ZC3H8: variants seen among roughly 807,000 people sequenced by gnomAD.
The protein encoded by ZC3H8 is zinc finger CCCH-type containing 8, also known as zinc finger CCCH domain-containing protein 8.
In ZC3H8, 27 loss-of-function variants were observed where a neutral mutation model predicts 42.5. The ratio of observed to expected loss-of-function variants is 0.64; its 90% CI spans 0.47 to 0.88. The LOEUF is 0.88. Among genes scored for constraint, ZC3H8 ranks in the 40% least tolerant of loss-of-function variants. ZC3H8 has a pLI of 0.00. For synonymous variants in ZC3H8, 101 were observed against 110.1 expected (o/e 0.92, Z 0.52); for missense variants, 277 against 336.1 (o/e 0.82, Z 1.37).
chr2:112,242,270 A>C (rs1215904190), intron 2 of ZC3H8, among the ~76,000 whole-genome samples: 2 of 152,256 alleles, frequency 1.3e-5, no homozygotes, highest in African/African-American at 4.8e-5. Flanking sequence ...TTCATGGTTG[A>C]AACAAAAGAA....
At chr2:112,246,802 T>C (rs1471201952) in intron 2 of ZC3H8, among the ~76,000 whole-genome samples, 5 of 152,192 alleles carry the variant, frequency 3.3e-5, no homozygotes, top group Non-Finnish European at 5.9e-5. Flanking sequence ...GTTGAGAGGA[T>C]TGACTCCAAT....
chr2:112,219,300 A>T (rs574197677), intron 8 of ZC3H8, among the ~76,000 whole-genome samples: 98 of 152,322 alleles, frequency 6.4e-4, no homozygotes, highest in Non-Finnish European at 1.2e-3. Context: ...ATGGTAAATA[A>T]TTGACAAAAG....
At chr2:112,228,772 C>T (rs1398394696) in intron 8 of ZC3H8, among the ~76,000 whole-genome samples, 1 of 152,012 alleles carries the variant, frequency 6.6e-6, no homozygotes, top group Non-Finnish European at 1.5e-5. Flanking sequence ...TTTGATGCTT[C>T]AAAAGATACC....
At chr2:112,252,030 CTTCT>C (rs976691371) in intron 1 of ZC3H8, among the ~76,000 whole-genome samples, 56 of 152,306 alleles carry the variant, frequency 3.7e-4, no homozygotes, top group African/African-American at 1.2e-3. Flanking sequence ...CACCTCTTCT[CTTCT>C]TTGTCTATAT....
intron 7 of ZC3H8, among the ~76,000 whole-genome samples, 151 bp from the exon 8 acceptor site, chr2:112,231,101 T>G (rs1685067606): frequency 6.6e-6 from 1 of 152,110 alleles, no homozygotes; most frequent in East Asian, 1.9e-4. Context: ...ACTGAAAAAC[T>G]TATTTCATAT....
chr2:112,233,478 A>C lies in ZC3H8; in HGVS notation c.622-107T>G, dbSNP rs1362644480. On this transcript the variant is annotated intron_variant, in intron 5 of 8. Coordinates refer to ENST00000409573, the MANE Select transcript of ZC3H8 (RefSeq NM_032494.3). ...TAAGCAAATGATTCCAGAAAGAACCAAAGTCTTAGAGGTAGCACATTCTAA... is the reference window on the plus strand; with the variant it reads ...TAAGCAAATGATTCCAGAAAGAACCCAAGTCTTAGAGGTAGCACATTCTAA... The C allele has an allele frequency of 3.5e-5, 26 of 737,816 alleles. No individual in the cohort carries two copies. In the East Asian group the frequency reaches 7.0e-4, roughly 20 times the overall value. The allele number at this position is 737,816 out of a possible 1,614,324, so 45.7% of individuals were successfully genotyped here.
intron 1 of ZC3H8, among the ~76,000 whole-genome samples, chr2:112,252,007 CAA>C (rs966235957): frequency 1.4e-4 from 22 of 152,212 alleles, no homozygotes; most frequent in African/African-American, 5.3e-4. Flanking sequence ...TCACAACTTT[CAA>C]AGTCAGTTCT....
intron 1 of ZC3H8, among the ~76,000 whole-genome samples, chr2:112,251,821 C>T (rs1685959040): frequency 1.3e-5 from 2 of 151,604 alleles, no homozygotes; most frequent in Admixed American, 1.3e-4. Flanking sequence ...TCTACTTTCA[C>T]TGTGAAGGTC....
At position 112,221,270 on chromosome 2, in the gene ZC3H8, C is replaced by T. The variant is rs141649559; in HGVS notation, c.*16-4802G>A. Among the ~76,000 whole-genome samples the T allele has an allele frequency of 4.4e-3, 665 of 152,196 alleles. 11 individuals carry two copies. The highest frequency in any genetic ancestry group is 0.015 in the African/African-American group (634 of 41,512). On this transcript the variant is annotated intron_variant, in intron 8 of 8. Coordinates refer to ENST00000409573, the MANE Select transcript of ZC3H8 (RefSeq NM_032494.3). ...AGATTTCTCATGAATGGTTTAGCAC[C>T]ATCCCCCTTGGTACTGTCCTAGTGA...
chr2:112,246,499 G>A (rs1207751031), intron 2 of ZC3H8, among the ~76,000 whole-genome samples: 1 of 152,116 alleles, frequency 6.6e-6, no homozygotes, highest in African/African-American at 2.4e-5. Context: ...TTTGAAAGAA[G>A]GTGATTGCAA....
At chr2:112,227,612 T>G (rs1003460632) in intron 8 of ZC3H8, among the ~76,000 whole-genome samples, 1 of 152,198 alleles carries the variant, frequency 6.6e-6, no homozygotes, top group Non-Finnish European at 1.5e-5. Flanking sequence ...CTACTAGAGC[T>G]AATAAATGAA....
At chr2:112,227,311 G>C (rs1684883532) in intron 8 of ZC3H8, among the ~76,000 whole-genome samples, 1 of 152,230 alleles carries the variant, frequency 6.6e-6, no homozygotes, top group Non-Finnish European at 1.5e-5. Flanking sequence ...GATCGCCTGA[G>C]GTCAGGAGTT....
At chr2:112,226,327 G>C (rs1167947124) in intron 8 of ZC3H8, among the ~76,000 whole-genome samples, 4 of 151,806 alleles carry the variant, frequency 2.6e-5, no homozygotes, top group African/African-American at 9.7e-5. Flanking sequence ...GGTAGCTCAC[G>C]CCTGTAATCC....
intron 8 of ZC3H8, among the ~76,000 whole-genome samples, chr2:112,222,155 T>G (rs1420673587): frequency 6.6e-6 from 1 of 152,216 alleles, no homozygotes; most frequent in Non-Finnish European, 1.5e-5. Flanking sequence ...GATTACTGTC[T>G]CTGTGCCCAT....
chr2:112,226,414 C>T (rs373193875), intron 8 of ZC3H8, among the ~76,000 whole-genome samples: 99 of 151,632 alleles, frequency 6.5e-4, no homozygotes, highest in African/African-American at 2.2e-3. Flanking sequence ...CGGTGAAACC[C>T]CGTCTCTACT....
At chr2:112,253,168 T>A (rs1201724762) in intron 1 of ZC3H8, among the ~76,000 whole-genome samples, 2 of 151,806 alleles carry the variant, frequency 1.3e-5, no homozygotes, top group Non-Finnish European at 2.9e-5. Context: ...AACTACTCCC[T>A]CCCTACCATC....
intron 2 of ZC3H8, among the ~76,000 whole-genome samples, chr2:112,246,491 T>C (rs1685769537): frequency 6.6e-6 from 1 of 152,076 alleles, no homozygotes; most frequent in African/African-American, 2.4e-5. Flanking sequence ...AACAGGAGTT[T>C]GAAAGAAGGT....
At chr2:112,250,121 G>GTTTTTTTTT in intron 2 of ZC3H8, 70 bp downstream of exon 2, 1 of 1,116,132 alleles carries the variant, frequency 9.0e-7, no homozygotes, top group Non-Finnish European at 1.2e-6. Context: ...TTCTTTTTTT[G>GTTTTTTTTT]TTGTTCCATG....
At position 112,254,939 on chromosome 2, in the gene ZC3H8, G is replaced by A; in HGVS notation, c.43C>T (p.Leu15Phe). 6.2e-7 allele frequency: 1 copy of A among 1,613,424 alleles called. No homozygotes were observed. Among genetic ancestry groups the A allele is most frequent in the Non-Finnish European group, 8.5e-7 (1 of 1,179,640 alleles). Reference sequence around the variant, plus strand: ...TCAGAGTCCGTGGCCGTTTTGCCGAGGGCCGGGTTGGGGGGTTTTGAGAAA... The same window carrying A: ...TCAGAGTCCGTGGCCGTTTTGCCGAAGGCCGGGTTGGGGGGTTTTGAGAAA... Reference protein sequence around the residue: ...NLFSKPPNPALGKTATDSDER... With the variant: ...NLFSKPPNPAFGKTATDSDER... The change falls in exon 1 of 9, where the codon CTC becomes TTC. Residue 15 changes from leucine to phenylalanine, a missense_variant. Leu to Phe is a conservative substitution (Grantham distance 22, BLOSUM62 0). Transcript: ENST00000409573.
Sources: allele counts gnomAD v4.1 joint callset (sites outside exome capture counted in the v4.1 genomes callset), GRCh38; gene constraint gnomAD v4.1.1; transcripts MANE v1.5; gene names NCBI Gene and HGNC (gene_info 2026-07-23, HGNC 2026-07-21).